C3orf70: variants seen among roughly 807,000 people sequenced by gnomAD.
C3orf70 encodes the protein chromosome 3 open reading frame 70, also known as UPF0524 protein C3orf70.
Under a neutral mutation model 20.7 loss-of-function variants are expected in C3orf70, and 15 were observed. That is an observed-to-expected ratio of 0.72 (90% CI 0.48 to 1.11). C3orf70 has a LOEUF of 1.11. C3orf70 is among the 50% of genes most tolerant of loss of function. C3orf70 has a pLI of 0.00. For synonymous variants in C3orf70, 161 were observed against 125.7 expected, an observed-to-expected ratio of 1.28 and a Z score of -1.88; for missense variants, 332 against 317.6, an observed-to-expected ratio of 1.05 and a Z score of -0.34.
intron 1 of C3orf70, among the ~76,000 whole-genome samples, chr3:185,125,338 C>A (rs1195598299): frequency 6.6e-6 from 1 of 151,968 alleles, no homozygotes. Context: ...TGACACCATG[C>A]CATTGCACTC....
Position 185,078,482 on chromosome 3 carries a change from A to G in C3orf70, c.*4525T>C, listed in dbSNP as rs968553342. The G allele has an allele frequency of 1.3e-5, 2 of 152,238 alleles. No homozygotes were observed. The highest frequency in any genetic ancestry group is 2.9e-5 in the Non-Finnish European group (2 of 68,044). The allele number at this position is 152,238 out of a possible 1,614,324, so 9.4% of individuals were successfully genotyped here. ...AATTTTTAAATGGTGAATAATTCCA[A>G]AATTAATGTTGAGAAGTGCCCTATT... On this transcript the variant is annotated 3_prime_UTR_variant, in exon 2 of 2. Coordinates refer to ENST00000335012, the MANE Select transcript of C3orf70 (RefSeq NM_001025266.3).
At position 185,141,370 on chromosome 3, in the gene C3orf70, G is replaced by A. The variant is rs976863385; in HGVS notation, c.196+11258C>T. Among the ~76,000 whole-genome samples the A allele has an allele frequency of 2.7e-5, 4 of 149,874 alleles. No homozygotes were observed. The South Asian group carries it at 6.4e-4, about 24-fold the overall frequency. The stretch of plus-strand genomic sequence containing the variant: ...TTGGCAGTTTCTTAAAAAAAAAAAC[G>A]AAACATGTAACTACCATACAGCCTA... On this transcript the variant is annotated intron_variant, in intron 1 of 1. Coordinates refer to ENST00000335012, the MANE Select transcript of C3orf70 (RefSeq NM_001025266.3).
At chr3:185,128,674 G>C (rs1278180399) in intron 1 of C3orf70, among the ~76,000 whole-genome samples, 3 of 152,128 alleles carry the variant, frequency 2.0e-5, no homozygotes, top group African/African-American at 7.2e-5. Context: ...TTATGATAAT[G>C]TTGACAATTT....
At chr3:185,122,394 C>T (rs940901543) in intron 1 of C3orf70, among the ~76,000 whole-genome samples, 18 of 152,222 alleles carry the variant, frequency 1.2e-4, no homozygotes, top group African/African-American at 4.3e-4. Flanking sequence ...AAAAGACAAC[C>T]CCAAATGCCA....
At chr3:185,118,512 T>TA (rs902622522) in intron 1 of C3orf70, among the ~76,000 whole-genome samples, 1 of 152,122 alleles carries the variant, frequency 6.6e-6, no homozygotes, top group Non-Finnish European at 1.5e-5. Flanking sequence ...ACAGAGGGGG[T>TA]ACTCAGTAAA....
chr3:185,118,638 C>T (rs73887811), intron 1 of C3orf70, among the ~76,000 whole-genome samples: 7,892 of 152,078 alleles, frequency 0.052, 661 homozygotes, highest in African/African-American at 0.18. Context: ...TTAAATTACA[C>T]TAAAATTTTT....
intron 1 of C3orf70, among the ~76,000 whole-genome samples, chr3:185,101,234 A>G (rs1216279017): frequency 1.3e-5 from 2 of 152,210 alleles, no homozygotes; most frequent in Non-Finnish European, 2.9e-5. Context: ...ACAAAAAAAG[A>G]AAACTTCAGG....
intron 1 of C3orf70, among the ~76,000 whole-genome samples, chr3:185,099,662 C>CTG (rs146121018): frequency 0.052 from 7,876 of 152,160 alleles, 652 homozygotes; most frequent in African/African-American, 0.18. Context: ...ATAAACAAGT[C>CTG]TAAAATAACC....
At chr3:185,148,846 G>A (rs1432826861) in intron 1 of C3orf70, among the ~76,000 whole-genome samples, 2 of 152,164 alleles carry the variant, frequency 1.3e-5, no homozygotes, top group East Asian at 1.9e-4. Flanking sequence ...AATGCACCAA[G>A]CACTGAATCT....
intron 1 of C3orf70, among the ~76,000 whole-genome samples, chr3:185,098,306 C>T (rs1199806623): frequency 1.3e-5 from 2 of 152,194 alleles, no homozygotes; most frequent in Non-Finnish European, 2.9e-5. Flanking sequence ...TATTAAAATG[C>T]TACTAATCCC....
intron 1 of C3orf70, among the ~76,000 whole-genome samples, chr3:185,131,022 T>C (rs1281945387): frequency 2.0e-5 from 3 of 152,240 alleles, no homozygotes. Flanking sequence ...TTTAACATTT[T>C]GAGTAACTGC....
At position 185,083,153 on chromosome 3, in the gene C3orf70, A is replaced by T. The variant is rs777984697; in HGVS notation, c.607T>A (p.Cys203Ser). Reference sequence around the variant, plus strand: ...GCTCCTTCTTCTGTGTCCTCGTCACACGATTCCACATAGTGAGCCCCAATC... The same window carrying T: ...GCTCCTTCTTCTGTGTCCTCGTCACTCGATTCCACATAGTGAGCCCCAATC... The part of the protein sequence containing the change: ...NAIGAHYVES[C>S]DEDTEEGAEL... Residue 203 changes from cysteine (C) to serine (S), a missense_variant, in exon 2 of 2, where the codon TGT (cysteine) becomes AGT (serine). Transcript: ENST00000335012. 6.2e-7 allele frequency: 1 copy of T among 1,614,126 alleles called. No homozygotes were observed. The highest frequency in any genetic ancestry group is 1.1e-5 in the South Asian group (1 of 91,076).
At chr3:185,111,649 C>T (rs2108596076) in intron 1 of C3orf70, among the ~76,000 whole-genome samples, 1 of 152,246 alleles carries the variant, frequency 6.6e-6, no homozygotes, top group African/African-American at 2.4e-5. Flanking sequence ...CTTGGGAAAA[C>T]TATTTTGAAA....
At chr3:185,093,260 C>T (rs1715632347) in intron 1 of C3orf70, among the ~76,000 whole-genome samples, 1 of 152,192 alleles carries the variant, frequency 6.6e-6, no homozygotes, top group African/African-American at 2.4e-5. Context: ...TGCTCCAGGC[C>T]ACACTCTGAC....
At chr3:185,146,142 T>G (rs781745764) in intron 1 of C3orf70, among the ~76,000 whole-genome samples, 1 of 152,088 alleles carries the variant, frequency 6.6e-6, no homozygotes, top group Non-Finnish European at 1.5e-5. Context: ...GCTTTCTCTA[T>G]CTCTGGAAGA....
intron 1 of C3orf70, among the ~76,000 whole-genome samples, chr3:185,137,736 A>T (rs1402115934): frequency 2.0e-5 from 3 of 152,252 alleles, no homozygotes; most frequent in African/African-American, 7.2e-5. Context: ...TTTATGATAC[A>T]CAGCTAAAGC....
chr3:185,143,064 A>G (rs998128800), intron 1 of C3orf70, among the ~76,000 whole-genome samples: 16 of 152,212 alleles, frequency 1.1e-4, no homozygotes, highest in Non-Finnish European at 1.9e-4. Flanking sequence ...TACCATTAAG[A>G]AAACTATGGT....
intron 1 of C3orf70, among the ~76,000 whole-genome samples, chr3:185,126,794 G>A (rs773108541): frequency 6.6e-6 from 1 of 152,146 alleles, no homozygotes; most frequent in Non-Finnish European, 1.5e-5. Flanking sequence ...TTCTAAGAGT[G>A]GGACCTCTCC....
At chr3:185,133,232 A>G (rs1425924222) in intron 1 of C3orf70, among the ~76,000 whole-genome samples, 1 of 152,198 alleles carries the variant, frequency 6.6e-6, no homozygotes, top group African/African-American at 2.4e-5. Context: ...GGGAGGGCAA[A>G]TGGTACAACC....
Sources: gnomAD v4.1 joint callset for allele counts (sites outside exome capture counted in the v4.1 genomes callset) on GRCh38, gnomAD v4.1.1 for gene constraint, MANE v1.5 for transcripts, NCBI Gene and HGNC (gene_info 2026-07-23, HGNC 2026-07-21) for gene names.